The following SLC9A9 variants were observed in gnomAD, a reference collection of about 807,000 sequenced individuals.
SLC9A9 encodes the protein solute carrier family 9 member A9.
In SLC9A9, 62 loss-of-function variants were observed where a neutral mutation model predicts 77.8. The ratio of observed to expected loss-of-function variants is 0.80; its 90% CI spans 0.65 to 0.98. The LOEUF is 0.98. Among genes scored for constraint, SLC9A9 ranks in the 50% least tolerant of loss-of-function variants. The probability of loss-of-function intolerance (pLI) is 0.00; values close to 1 mark genes in which losing one functional copy is unlikely to be tolerated. For synonymous variants in SLC9A9, 320 were observed against 283.5 expected, an observed-to-expected ratio of 1.13 and a Z score of -1.29; for missense variants, 775 against 774.9, an observed-to-expected ratio of 1.00 and a Z score of 0.00.
At chr3:143,623,848 C>T (rs2038267229) in intron 6 of SLC9A9, among the ~76,000 whole-genome samples, 1 of 152,016 alleles carries the variant, frequency 6.6e-6, no homozygotes, top group East Asian at 1.9e-4. Flanking sequence ...AAAAGATCAA[C>T]AAAATTGACA....
chr3:143,379,851 T>C (rs1439312247), intron 13 of SLC9A9, among the ~76,000 whole-genome samples: 1 of 152,234 alleles, frequency 6.6e-6, no homozygotes, highest in Non-Finnish European at 1.5e-5. Flanking sequence ...TGATTCTTTA[T>C]ACCCCTCTGG....
At chr3:143,806,275 T>C (rs2008710862) in intron 2 of SLC9A9, among the ~76,000 whole-genome samples, 1 of 152,214 alleles carries the variant, frequency 6.6e-6, no homozygotes, top group African/African-American at 2.4e-5. Flanking sequence ...TACTTCCCTG[T>C]GATATCTGCC....
chr3:143,727,270 G>A (rs1426087511), intron 4 of SLC9A9, among the ~76,000 whole-genome samples: 4 of 152,080 alleles, frequency 2.6e-5, no homozygotes, highest in Non-Finnish European at 5.9e-5. Flanking sequence ...AATCAAAGTA[G>A]TGCAAATAGA....
intron 6 of SLC9A9, among the ~76,000 whole-genome samples, chr3:143,622,921 C>T (rs1261574666): frequency 6.6e-6 from 1 of 152,152 alleles, no homozygotes; most frequent in Non-Finnish European, 1.5e-5. Context: ...GGAGGAAGAT[C>T]TACCAAGCAA....
intron 2 of SLC9A9, among the ~76,000 whole-genome samples, chr3:143,802,790 C>T (rs2008601421): frequency 2.0e-5 from 3 of 152,168 alleles, no homozygotes; most frequent in South Asian, 2.1e-4. Flanking sequence ...TTAAAAAGGA[C>T]TGGACAGTAC....
intron 4 of SLC9A9, among the ~76,000 whole-genome samples, chr3:143,704,995 A>ATTATC (rs1553782450): frequency 2.0e-4 from 23 of 116,036 alleles, no homozygotes; most frequent in South Asian, 1.3e-3. Flanking sequence ...TCCATCTCAA[A>ATTATC]TATCTATCTA....
At chr3:143,363,599 T>G (rs756003407) in intron 13 of SLC9A9, 36 bp from the exon 14 acceptor site, 1 of 1,563,206 alleles carries the variant, frequency 6.4e-7, no homozygotes, top group East Asian at 2.3e-5. Flanking sequence ...ATTGGGTAAA[T>G]AGTCAAAAAG....
chr3:143,631,493 A>C (rs2038421822), intron 6 of SLC9A9, among the ~76,000 whole-genome samples: 1 of 152,174 alleles, frequency 6.6e-6, no homozygotes, highest in Non-Finnish European at 1.5e-5. Flanking sequence ...TCAAATTTCC[A>C]CAGGGGTTGG....
intron 9 of SLC9A9, among the ~76,000 whole-genome samples, chr3:143,537,124 TCAGCATCTGGTGTC>T (rs1372348790): frequency 1.3e-5 from 2 of 152,220 alleles, no homozygotes; most frequent in Non-Finnish European, 2.9e-5. Flanking sequence ...TGACAGGACC[TCAGCATCTGGTGTC>T]CAGCATCTGG....
intron 13 of SLC9A9, among the ~76,000 whole-genome samples, chr3:143,372,574 A>G (rs1368349244): frequency 6.6e-6 from 1 of 152,208 alleles, no homozygotes; most frequent in Non-Finnish European, 1.5e-5. Context: ...AGAATTCATG[A>G]CTAAGACCCC....
intron 6 of SLC9A9, among the ~76,000 whole-genome samples, chr3:143,587,476 C>T (rs537672481): frequency 1.3e-5 from 2 of 152,280 alleles, no homozygotes; most frequent in Non-Finnish European, 2.9e-5. Flanking sequence ...TTCTAGGCAC[C>T]GAAGCAAAGC....
At chr3:143,829,835 C>T (rs1422818308) in intron 2 of SLC9A9, among the ~76,000 whole-genome samples, 1 of 152,012 alleles carries the variant, frequency 6.6e-6, no homozygotes, top group African/African-American at 2.4e-5. Flanking sequence ...TGTGAAGGCC[C>T]CATGTTAGCC....
At chr3:143,342,591 C>A (rs1332414831) in intron 14 of SLC9A9, among the ~76,000 whole-genome samples, 2 of 152,212 alleles carry the variant, frequency 1.3e-5, no homozygotes, top group Non-Finnish European at 2.9e-5. Context: ...GCAGGACTCA[C>A]AAATAAAATA....
intron 14 of SLC9A9, among the ~76,000 whole-genome samples, chr3:143,274,915 A>T (rs1938000704): frequency 6.6e-6 from 1 of 152,240 alleles, no homozygotes; most frequent in Non-Finnish European, 1.5e-5. Flanking sequence ...TTGTCTGGAC[A>T]TATAGCCATT....
At chr3:143,750,190 A>G (rs998366468) in intron 4 of SLC9A9, among the ~76,000 whole-genome samples, 1 of 152,206 alleles carries the variant, frequency 6.6e-6, no homozygotes, top group African/African-American at 2.4e-5. Context: ...AGAGGAAGAC[A>G]ATGCACCAAA....
At chr3:143,596,446 T>A (rs190626117) in intron 6 of SLC9A9, among the ~76,000 whole-genome samples, 10 of 152,328 alleles carry the variant, frequency 6.6e-5, no homozygotes, top group African/African-American at 2.4e-4. Context: ...CTTTTTTATC[T>A]GTAGCCTTTT....
chr3:143,266,672 T>C lies in SLC9A9; in HGVS notation c.*30A>G. On this transcript the variant is annotated 3_prime_UTR_variant, in exon 16 of 16. Transcript: ENST00000316549. ...TATTCCTCAGTGAGTCTTGCATTAC[T>C]TGTGATTACATCTGTACTCTTCATG... 1 of 1,611,748 alleles carries C rather than the reference T, an allele frequency of 6.2e-7. No individual in the cohort carries two copies. The highest frequency in any genetic ancestry group is 8.5e-7 in the Non-Finnish European group (1 of 1,177,948).
intron 4 of SLC9A9, among the ~76,000 whole-genome samples, chr3:143,775,610 G>A (rs529829363): frequency 2.0e-5 from 3 of 152,306 alleles, no homozygotes; most frequent in Admixed American, 2.0e-4. Flanking sequence ...CTGGTGTACC[G>A]TGTACCATTT....
chr3:143,742,670 G>T (rs1935101696), intron 4 of SLC9A9, among the ~76,000 whole-genome samples: 1 of 152,104 alleles, frequency 6.6e-6, no homozygotes, highest in Admixed American at 6.5e-5. Flanking sequence ...GACAGAAAAA[G>T]AACACTAGGT....
Sources: allele counts gnomAD v4.1 joint callset (sites outside exome capture counted in the v4.1 genomes callset), GRCh38; gene constraint gnomAD v4.1.1; transcripts MANE v1.5; gene names NCBI Gene and HGNC (gene_info 2026-07-23, HGNC 2026-07-21).